NLGN4X: variants seen among roughly 807,000 people sequenced by gnomAD.
NLGN4X encodes the protein neuroligin 4 X-linked.
NLGN4X carries 3 observed loss-of-function variants against 40.3 expected under a neutral mutation model. That is an observed-to-expected ratio of 0.07 (90% CI 0.03 to 0.19). The LOEUF is 0.19. Among genes scored for constraint, NLGN4X ranks in the 10% least tolerant of loss-of-function variants. The probability of loss-of-function intolerance (pLI) is 1.00; values close to 1 mark genes in which losing one functional copy is unlikely to be tolerated. For synonymous variants in NLGN4X, 270 were observed against 306.8 expected (o/e 0.88, Z 1.25); for missense variants, 382 against 708.3 (o/e 0.54, Z 5.23).
At chrX:6,172,589 A>G (rs1428264310) in intron 1 of NLGN4X, among the ~76,000 whole-genome samples, 2 of 111,879 alleles carry the variant, frequency 1.8e-5, no homozygotes, top group Non-Finnish European at 3.8e-5. Flanking sequence ...CCTACAAGTT[A>G]CAGATTAGAA....
chrX:5,973,586 G>A (rs972612721), intron 3 of NLGN4X, among the ~76,000 whole-genome samples: 2 of 111,684 alleles, frequency 1.8e-5, no homozygotes, highest in African/African-American at 6.5e-5. Flanking sequence ...ACTTTGGGAG[G>A]CCAAGGCAGG....
chrX:6,021,087 TCTCTCCCCCTCTCCCTCTC>T (rs2036541217), intron 3 of NLGN4X, among the ~76,000 whole-genome samples: 2 of 48,885 alleles, frequency 4.1e-5, no homozygotes, highest in African/African-American at 1.8e-4. Context: ...CCTCTCTCTC[TCTCTCCCCCTCTCCCTCTC>T]TCTTTCTTTC....
At chrX:6,123,579 T>C (rs2039472701) in intron 2 of NLGN4X, among the ~76,000 whole-genome samples, 1 of 110,898 alleles carries the variant, frequency 9.0e-6, no homozygotes, top group South Asian at 3.8e-4. Flanking sequence ...TGTGGGGTGA[T>C]TGAGAGAGAG....
intron 3 of NLGN4X, among the ~76,000 whole-genome samples, chrX:5,926,197 C>T (rs960413419): frequency 9.3e-6 from 1 of 107,019 alleles, no homozygotes; most frequent in African/African-American, 3.4e-5. Context: ...CTGCCACCAC[C>T]ATGTGAAGAA....
intron 1 of NLGN4X, among the ~76,000 whole-genome samples, chrX:6,200,691 T>C (rs1307040808): frequency 1.0e-4 from 9 of 89,285 alleles, no homozygotes; most frequent in East Asian, 6.4e-4. Flanking sequence ...CCTTTTCTTT[T>C]TTTTTTTTTT....
At position 5,992,281 on chromosome X, in the gene NLGN4X, A is replaced by G. The variant is rs12011039; in HGVS notation, c.625+36999T>C. On this transcript the variant is annotated intron_variant, in intron 3 of 5. Transcript: ENST00000381095. The stretch of plus-strand genomic sequence containing the variant: ...AATGTCTTACTCCATATGCATTGCT[A>G]TAACGGAATACCTGAAGCTGAGCAA... Among the ~76,000 whole-genome samples, 1,038 of 112,206 alleles carry G rather than the reference A, an allele frequency of 9.3e-3. 11 individuals are homozygous for G. The highest frequency in any genetic ancestry group is 0.032 in the African/African-American group (988 of 30,898).
intron 1 of NLGN4X, among the ~76,000 whole-genome samples, chrX:6,184,647 C>T (rs1236383858): frequency 9.0e-6 from 1 of 111,242 alleles, no homozygotes; most frequent in Non-Finnish European, 1.9e-5. Flanking sequence ...CTTCTCCACC[C>T]AGGTTTGCAA....
chrX:6,027,407 C>T, intron 3 of NLGN4X, among the ~76,000 whole-genome samples: 1 of 112,304 alleles, frequency 8.9e-6, no homozygotes, highest in South Asian at 3.7e-4. Context: ...AAGCCAACGA[C>T]ATAATAAGTT....
chrX:5,968,542 T>C (rs772618160), intron 3 of NLGN4X, among the ~76,000 whole-genome samples: 74 of 96,839 alleles, frequency 7.6e-4, no homozygotes, highest in Non-Finnish European at 1.2e-3. Context: ...TATCAATGTG[T>C]TTGAAAAGAA....
chrX:6,095,700 G>A (rs2038754976), intron 2 of NLGN4X, among the ~76,000 whole-genome samples: 1 of 111,826 alleles, frequency 8.9e-6, no homozygotes, highest in Non-Finnish European at 1.9e-5. Context: ...GAGCCACTTG[G>A]CAATGCCTGC....
rs372231053 is a variant in NLGN4X, at chrX:6,092,303, T to C, written c.472+58692A>G. Among the ~76,000 whole-genome samples, 9 of 112,260 alleles carry C rather than the reference T, an allele frequency of 8.0e-5. No homozygotes were observed. In the South Asian group the frequency reaches 1.5e-3, roughly 18 times the overall value. ...TGGACCTAAGGGAAGTCTGCCCTTA[T>C]GTAACACACCCATAGTAGCACTGAC... On this transcript the variant is annotated intron_variant, in intron 2 of 5. Coordinates refer to ENST00000381095, the MANE Select transcript of NLGN4X (RefSeq NM_181332.3).
intron 5 of NLGN4X, among the ~76,000 whole-genome samples, chrX:5,895,590 G>A (rs1213120038): frequency 1.8e-5 from 2 of 110,789 alleles, no homozygotes; most frequent in Non-Finnish European, 3.8e-5. Flanking sequence ...GTATATATAT[G>A]TATGTCATGT....
chrX:6,183,269 C>T (rs921793318), intron 1 of NLGN4X, among the ~76,000 whole-genome samples: 1 of 112,480 alleles, frequency 8.9e-6, no homozygotes, highest in Non-Finnish European at 1.9e-5. Flanking sequence ...AAATACTGGC[C>T]GGGCACGGTG....
chrX:5,890,251 T>C lies in NLGN4X; in HGVS notation c.*2566A>G, dbSNP rs1011129229. On this transcript the variant is annotated 3_prime_UTR_variant, in exon 6 of 6. Coordinates refer to ENST00000381095, the MANE Select transcript of NLGN4X (RefSeq NM_181332.3). ...GATTTTTTTTTTTCTTACTTTTTTC[T>C]CATTTTTTTTCTTTTTTCTCTTTTT... 1.3e-4 allele frequency: 21 copies of C among 166,220 alleles called. No individual in the cohort carries two copies. Among genetic ancestry groups the C allele is most frequent in the Non-Finnish European group, 1.9e-4 (17 of 90,986 alleles). The allele number at this position is 166,220 out of a possible 1,213,427, so 13.7% of individuals were successfully genotyped here. A position where few individuals can be genotyped will look rare whatever the true frequency, so the allele number is the denominator to read the frequency against.
At chrX:5,977,897 C>T (rs1185094994) in intron 3 of NLGN4X, among the ~76,000 whole-genome samples, 10 of 111,792 alleles carry the variant, frequency 8.9e-5, no homozygotes, top group Admixed American at 8.6e-4. Context: ...GTGTACCATG[C>T]ATATTGCTAA....
intron 3 of NLGN4X, among the ~76,000 whole-genome samples, chrX:5,990,010 C>T (rs1389784635): frequency 9.2e-6 from 1 of 108,704 alleles, no homozygotes; most frequent in Non-Finnish European, 1.9e-5. Flanking sequence ...CTAACCTAAC[C>T]ATGGGTAATG....
chrX:5,995,007 C>T (rs890161312), intron 3 of NLGN4X, among the ~76,000 whole-genome samples: 3 of 112,407 alleles, frequency 2.7e-5, no homozygotes, highest in East Asian at 5.6e-4. Context: ...TTTTAAAATA[C>T]GTTTGAGAAT....
chrX:5,926,933 C>CT (rs1191867587), intron 3 of NLGN4X, among the ~76,000 whole-genome samples: 1 of 66,500 alleles, frequency 1.5e-5, no homozygotes, highest in Non-Finnish European at 2.8e-5. Flanking sequence ...ATCTCTATAT[C>CT]TTCTATCTAT....
intron 3 of NLGN4X, among the ~76,000 whole-genome samples, chrX:5,911,688 A>G (rs1396519520): frequency 8.9e-6 from 1 of 111,932 alleles, no homozygotes; most frequent in African/African-American, 3.3e-5. Context: ...CAGGTACACA[A>G]TGAATGCAAT....
Sources: gnomAD v4.1 joint callset for allele counts (sites outside exome capture counted in the v4.1 genomes callset) on GRCh38, gnomAD v4.1.1 for gene constraint, MANE v1.5 for transcripts, NCBI Gene and HGNC (gene_info 2026-07-23, HGNC 2026-07-21) for gene names.